The following GGTA1 variants were observed in gnomAD, a reference collection of about 807,000 sequenced individuals.
GGTA1 encodes inactive N-acetyllactosaminide alpha-1,3-galactosyltransferase.
GGTA1 carries 5 observed loss-of-function variants against 2.6 expected under a neutral mutation model. The ratio of observed to expected loss-of-function variants is 1.92; its 90% CI spans 1.00 to 4.04. GGTA1 has a LOEUF of 4.04. GGTA1 is among the 30% of genes most tolerant of loss of function. The pLI, the probability that GGTA1 is intolerant of heterozygous loss-of-function variation, is 0.00. For synonymous variants in GGTA1, 17 were observed against 5.0 expected, an observed-to-expected ratio of 3.38 and a Z score of -3.19; for missense variants, 50 against 16.7, an observed-to-expected ratio of 2.99 and a Z score of -3.47.
intron 5 of GGTA1, among the ~76,000 whole-genome samples, chr9:121,457,569 C>T (rs1051979611): frequency 1.3e-5 from 2 of 151,674 alleles, no homozygotes; most frequent in Non-Finnish European, 2.9e-5. Flanking sequence ...GGTGCAGTGG[C>T]GGGCGCCTGT....
chr9:121,462,240 G>A lies in GGTA1; in HGVS notation c.117-923C>T, dbSNP rs150622898. On this transcript the variant is annotated intron_variant, in intron 3 of 5. Transcript: ENST00000481799. ...CTCAAGAGGCTGAGGCGGGAGGATT[G>A]CTTGAACCCAGGAGAAGGAGGTTGC... is the stretch of plus-strand genomic sequence containing the variant. Among the ~76,000 whole-genome samples the A allele has an allele frequency of 1.1e-4, 17 of 152,198 alleles. No individual in the cohort carries two copies. The East Asian group carries it at 3.3e-3, about 29-fold the overall frequency.
chr9:121,482,018 A>AC (rs1470506478), intron 1 of GGTA1, among the ~76,000 whole-genome samples: 1 of 151,870 alleles, frequency 6.6e-6, no homozygotes, highest in Non-Finnish European at 1.5e-5. Context: ...AAAGAATAAA[A>AC]AGTAACAGAA....
At chr9:121,449,524 C>G (rs1322159197) in intron 7 of GGTA1, among the ~76,000 whole-genome samples, 1 of 152,140 alleles carries the variant, frequency 6.6e-6, no homozygotes, top group Admixed American at 6.5e-5. Flanking sequence ...AACTATTCAT[C>G]TATTCATTTG....
intron 1 of GGTA1, among the ~76,000 whole-genome samples, chr9:121,490,552 G>A (rs192898014): frequency 5.0e-4 from 76 of 152,276 alleles, no homozygotes; most frequent in Non-Finnish European, 8.1e-4. Flanking sequence ...ACAACGGGCC[G>A]GATCCTCCCC....
At chr9:121,483,937 C>T (rs915714965) in intron 1 of GGTA1, among the ~76,000 whole-genome samples, 1 of 152,146 alleles carries the variant, frequency 6.6e-6, no homozygotes, top group Non-Finnish European at 1.5e-5. Flanking sequence ...TAGAAAAAGT[C>T]CTACTTGACG....
chr9:121,454,880 G>A (rs1207931361), downstream of GGTA1, among the ~76,000 whole-genome samples: 1 of 152,124 alleles, frequency 6.6e-6, no homozygotes, highest in Non-Finnish European at 1.5e-5. Context: ...CAGGCGTGGT[G>A]GTGCACACCT....
At chr9:121,448,474 C>T (rs1414378950) in intron 7 of GGTA1, among the ~76,000 whole-genome samples, 1 of 152,158 alleles carries the variant, frequency 6.6e-6, no homozygotes, top group Non-Finnish European at 1.5e-5. Context: ...ACACCATCAT[C>T]CAAAATACTA....
At chr9:121,487,737 G>A (rs950138359) in intron 1 of GGTA1, among the ~76,000 whole-genome samples, 27 of 152,046 alleles carry the variant, frequency 1.8e-4, no homozygotes, top group African/African-American at 6.0e-4. Flanking sequence ...TTTTTTTGAG[G>A]TGGAATCTCG....
chr9:121,484,241 AT>A (rs1478964999), intron 1 of GGTA1, among the ~76,000 whole-genome samples: 6 of 152,248 alleles, frequency 3.9e-5, no homozygotes, highest in African/African-American at 1.2e-4. Flanking sequence ...TGTTATGTAT[AT>A]TTTATGACAA....
At position 121,476,906 on chromosome 9, in the gene GGTA1, G is replaced by A. The variant is rs1034150495; in HGVS notation, c.-9-8975C>T. On this transcript the variant is annotated intron_variant, in intron 1 of 5. Transcript: ENST00000481799. This position sits in a 1 kb window ranked among gnomAD's most constrained non-coding sequence, Gnocchi z 4.6. Reference sequence around the variant, plus strand: ...TGCCTGTCCAGGGGCTGCAGGCTGAGCTGGGGTGCTGACCCATTACCTGCA... The same window carrying A: ...TGCCTGTCCAGGGGCTGCAGGCTGAACTGGGGTGCTGACCCATTACCTGCA... Among the ~76,000 whole-genome samples, 2 of 152,212 alleles carry A rather than the reference G, an allele frequency of 1.3e-5. No homozygotes were observed. The highest frequency in any genetic ancestry group is 4.8e-5 in the African/African-American group (2 of 41,462).
At chr9:121,450,487 C>T (rs2064873396), downstream of GGTA1, among the ~76,000 whole-genome samples, 1 of 152,224 alleles carries the variant, frequency 6.6e-6, no homozygotes. Context: ...AGATTTATTG[C>T]TGCTGAGTAC....
At chr9:121,459,316 C>T (rs1237897862) in intron 5 of GGTA1, among the ~76,000 whole-genome samples, 1 of 152,062 alleles carries the variant, frequency 6.6e-6, no homozygotes, top group East Asian at 1.9e-4. Flanking sequence ...AATTAGCTGG[C>T]CGTGGTGGCG....
chr9:121,494,387 G>A (rs1163500846), intron 1 of GGTA1: 1 of 152,266 alleles, frequency 6.6e-6, no homozygotes, highest in East Asian at 1.9e-4. Flanking sequence ...GATTGCACGT[G>A]ACAGAGGTCT....
chr9:121,465,946 T>A (rs2065002308), intron 2 of GGTA1, among the ~76,000 whole-genome samples: 1 of 152,062 alleles, frequency 6.6e-6, no homozygotes, highest in South Asian at 2.1e-4. Flanking sequence ...GACAGTGCCT[T>A]ACTCTGTCAC....
rs768112043 is a variant in GGTA1, at chr9:121,479,169, C to T, written c.-9-11238G>A. ...TGAGGGGGCCACCGAGAGTTTAGGG[C>T]GATCCACCCGTGACCCCAGCATGGC... On this transcript the variant is annotated intron_variant, in intron 1 of 5. Transcript: ENST00000481799. 1.1e-4 allele frequency: 52 copies of T among 453,220 alleles called. 1 individual carries two copies. Among genetic ancestry groups the T allele is most frequent in the Admixed American group, 4.3e-4 (18 of 41,432 alleles). The allele number at this position is 453,220 out of a possible 1,614,324, so 28.1% of individuals were successfully genotyped here.
Position 121,476,692 on chromosome 9 carries a change from C to T in GGTA1, c.-9-8761G>A, listed in dbSNP as rs1828517941. On this transcript the variant is annotated intron_variant, in intron 1 of 5. Transcript: ENST00000481799. The surrounding 1 kb of genome is among the most constrained non-coding windows in gnomAD (Gnocchi z 4.6). ...TCAGATCATGCATAGGAACCACCAACCAATATGCGCTGAATGCAGAGGCTG... is the reference window on the plus strand; with the variant it reads ...TCAGATCATGCATAGGAACCACCAATCAATATGCGCTGAATGCAGAGGCTG... Among the ~76,000 whole-genome samples, 1 of 152,206 alleles carries T rather than the reference C, an allele frequency of 6.6e-6. No homozygotes were observed.
At chr9:121,485,038 G>A (rs1828730401) in intron 1 of GGTA1, among the ~76,000 whole-genome samples, 1 of 152,208 alleles carries the variant, frequency 6.6e-6, no homozygotes. Flanking sequence ...GTGAATTTCT[G>A]TTCCTTCTGC....
At chr9:121,496,898 T>C (rs2118786747) in intron 1 of GGTA1, among the ~76,000 whole-genome samples, 1 of 151,870 alleles carries the variant, frequency 6.6e-6, no homozygotes, top group Non-Finnish European at 1.5e-5. Flanking sequence ...CACGTAAGAT[T>C]TGTAGGTTTT....
intron 1 of GGTA1, chr9:121,479,478 G>C (rs1190631749): frequency 4.7e-6 from 1 of 215,016 alleles, no homozygotes; most frequent in Non-Finnish European, 9.5e-6. Context: ...AGGCAGAAAT[G>C]TTCCTCTCTG....
Sources: gnomAD v4.1 joint callset for allele counts (sites outside exome capture counted in the v4.1 genomes callset) on GRCh38, gnomAD v4.1.1 for gene constraint, Gnocchi (gnomAD v3.1) non-coding constraint, MANE v1.5 for transcripts, NCBI Gene and HGNC (gene_info 2026-07-23, HGNC 2026-07-21) for gene names.